Variants in NCOR1 observed in about 807,000 individuals in gnomAD.
The protein encoded by NCOR1 is nuclear receptor corepressor 1.
NCOR1 carries 63 observed loss-of-function variants against 288.1 expected under a neutral mutation model. The observed-to-expected ratio is 0.22, with a 90% CI of 0.18 to 0.27. The LOEUF (loss-of-function observed/expected upper bound fraction) is 0.27. Among genes scored for constraint, NCOR1 ranks in the 10% least tolerant of loss-of-function variants. The pLI is 1.00. For synonymous variants in NCOR1, 1,007 were observed against 1,065.9 expected (o/e 0.94, Z 1.08); for missense variants, 2,397 against 3,019.2 (o/e 0.79, Z 4.83).
At chr17:16,148,698 A>G (rs1478546324) in intron 9 of NCOR1, among the ~76,000 whole-genome samples, 1 of 148,350 alleles carries the variant, frequency 6.7e-6, no homozygotes, top group Non-Finnish European at 1.5e-5. Flanking sequence ...AAACAACTCA[A>G]GACCAGTAAT....
Position 16,215,346 on chromosome 17 carries a change from G to A in NCOR1, c.-71+16C>T, listed in dbSNP as rs1029278213. 7.6e-6 allele frequency: 3 copies of A among 392,804 alleles called. No homozygotes were observed. The highest frequency in any genetic ancestry group is 1.3e-5 in the Non-Finnish European group (3 of 222,702). The allele number at this position is 392,804 out of a possible 1,614,324, so 24.3% of individuals were successfully genotyped here. A position where few individuals can be genotyped will look rare whatever the true frequency, so the allele number is the denominator to read the frequency against. ...GAGCCCGGAGGCCGGGGTTGCAGGC[G>A]CCAGGGCCTACTCACCGGGAGCTGG... On this transcript the variant is annotated intron_variant, in intron 1 of 45. Coordinates refer to ENST00000268712, the MANE Select transcript of NCOR1 (RefSeq NM_006311.4).
At chr17:16,189,479 T>A (rs576825032) in intron 2 of NCOR1, among the ~76,000 whole-genome samples, 15 of 151,112 alleles carry the variant, frequency 9.9e-5, no homozygotes, top group Admixed American at 9.9e-4. Context: ...CACACAGAAG[T>A]GAAAAGTAAA....
intron 25 of NCOR1, 24 bp downstream of exon 25, chr17:16,080,384 T>C: frequency 1.3e-6 from 2 of 1,571,108 alleles, no homozygotes; most frequent in Non-Finnish European, 1.7e-6. Context: ...AAGTTTAACA[T>C]TTCTGCCAAC....
chr17:16,034,058 G>A (rs912010210), intron 45 of NCOR1, among the ~76,000 whole-genome samples: 1 of 152,130 alleles, frequency 6.6e-6, no homozygotes, highest in African/African-American at 2.4e-5. Context: ...ATTTCCCTAA[G>A]AACTTTTTCT....
intron 3 of NCOR1, among the ~76,000 whole-genome samples, chr17:16,176,725 A>G (rs961917755): frequency 5.9e-5 from 9 of 151,970 alleles, no homozygotes; most frequent in African/African-American, 2.2e-4. Flanking sequence ...TCTGTCACTC[A>G]ATTCTGCTAT....
intron 41 of NCOR1, among the ~76,000 whole-genome samples, chr17:16,047,708 G>T (rs1239869799): frequency 2.0e-5 from 3 of 151,876 alleles, no homozygotes; most frequent in Admixed American, 2.0e-4. Flanking sequence ...AAAAAACAAG[G>T]TTTCCCTAAA....
chr17:16,129,186 T>A (rs2075225761), intron 14 of NCOR1, among the ~76,000 whole-genome samples: 1 of 152,198 alleles, frequency 6.6e-6, no homozygotes, highest in Admixed American at 6.5e-5. Context: ...ACTCCCCACA[T>A]GCAAAATCAC....
intron 2 of NCOR1, among the ~76,000 whole-genome samples, chr17:16,187,274 C>A (rs1163023072): frequency 8.1e-5 from 12 of 148,726 alleles, no homozygotes; most frequent in African/African-American, 2.7e-4. Flanking sequence ...CAGAAAAACA[C>A]AGAATTACTA....
intron 33 of NCOR1, 135 bp from the exon 34 acceptor site, chr17:16,065,154 C>G: frequency 1.2e-6 from 1 of 851,582 alleles, no homozygotes; most frequent in Non-Finnish European, 1.8e-6. Context: ...TTACTATCAT[C>G]ATTACTTTTT....
chr17:16,065,501 T>A lies in NCOR1; in HGVS notation c.4935A>T (p.Pro1645=), dbSNP rs1250917376. The A allele has an allele frequency of 6.2e-7, 1 of 1,614,118 alleles. No homozygotes were observed. The highest frequency in any genetic ancestry group is 1.3e-5 in the African/African-American group (1 of 74,936). The change falls in exon 33 of 46, where the codon CCA becomes CCT. Residue 1645 remains proline (P), a synonymous_variant. Transcript: ENST00000268712. ...LSPREQPLGL[P]YPATRGIIDL... Reference sequence around the variant, plus strand: ...GACACACACCTCTCGTTGCTGGGTATGGGAGACCCAGTGGCTGCTCTCTTG... The same window carrying A: ...GACACACACCTCTCGTTGCTGGGTAAGGGAGACCCAGTGGCTGCTCTCTTG...
intron 1 of NCOR1, among the ~76,000 whole-genome samples, chr17:16,211,144 C>A (rs532142452): frequency 3.3e-5 from 5 of 152,276 alleles, no homozygotes; most frequent in African/African-American, 1.2e-4. Flanking sequence ...CCAACTTTAG[C>A]AACTTAGGCA....
chr17:16,176,955 G>C (rs1440036138), intron 3 of NCOR1, among the ~76,000 whole-genome samples: 2 of 151,948 alleles, frequency 1.3e-5, no homozygotes, highest in Non-Finnish European at 2.9e-5. Flanking sequence ...TCTGTATTAT[G>C]AATATTATTA....
Position 16,155,393 on chromosome 17 carries a change from C to CACACACA in NCOR1, c.733-1999_733-1998insTGTGTGT, listed in dbSNP as rs200326632. On this transcript the variant is annotated intron_variant, in intron 6 of 45. Coordinates refer to ENST00000268712, the MANE Select transcript of NCOR1 (RefSeq NM_006311.4). ...AATACACACACACACACACACACAC[C>CACACACA]CACAAAGATATTCTGCAAATTTCTC... Among the ~76,000 whole-genome samples the CACACACA allele has an allele frequency of 5.8e-3, 859 of 148,888 alleles. 7 individuals are homozygous for CACACACA. Among genetic ancestry groups the CACACACA allele is most frequent in the African/African-American group, 0.017 (695 of 39,986 alleles).
Position 16,080,993 on chromosome 17 carries a change from CATAA to C in NCOR1, c.3178-270_3178-267del, listed in dbSNP as rs781004025. Among the ~76,000 whole-genome samples the C allele has an allele frequency of 1.3e-3, 195 of 151,878 alleles. 2 individuals are homozygous for C. Among genetic ancestry groups the C allele is most frequent in the South Asian group, 4.2e-4 (2 of 4,814 alleles). ...AATAGTATTTACTATTAATAAATTA[CATAA>C]ATAAAGCACTTATATGTTGCAATCA... is the stretch of plus-strand genomic sequence containing the variant. On this transcript the variant is annotated intron_variant, in intron 23 of 45. Transcript: ENST00000268712.
chr17:16,209,819 G>A (rs1020383255), intron 1 of NCOR1, among the ~76,000 whole-genome samples: 2 of 152,136 alleles, frequency 1.3e-5, no homozygotes, highest in Middle Eastern at 3.4e-3. Context: ...GGGCATGGTG[G>A]CATATGCCTG....
chr17:16,184,102 T>C (rs1388989638), intron 3 of NCOR1, among the ~76,000 whole-genome samples: 1 of 152,064 alleles, frequency 6.6e-6, no homozygotes, highest in African/African-American at 2.4e-5. Context: ...AATACTTAAA[T>C]ATAAGATCAG....
chr17:16,215,389 C>G lies in NCOR1; in HGVS notation c.-98G>C. ...GGAGCTGGCTAAGCGTGGGAGCCGA[C>G]GTGCGCCCCGGCCTGAGGAGTGGGA... On this transcript the variant is annotated 5_prime_UTR_variant, in exon 1 of 46. Transcript: ENST00000268712. The G allele has an allele frequency of 2.5e-6, 1 of 395,382 alleles. No individual in the cohort carries two copies. 24.5% of individuals were successfully genotyped at this position (395,382 alleles called of 1,614,324 possible).
intron 28 of NCOR1, 58 bp from the exon 29 acceptor site, chr17:16,072,286 A>G (rs2061847049): frequency 2.4e-6 from 3 of 1,272,824 alleles, no homozygotes; most frequent in Non-Finnish European, 3.4e-6. Flanking sequence ...CAACTCACAT[A>G]TACTGAATGC....
intron 18 of NCOR1, among the ~76,000 whole-genome samples, chr17:16,113,079 AT>A (rs749337517): frequency 6.7e-6 from 1 of 149,096 alleles, no homozygotes; most frequent in African/African-American, 2.5e-5. Context: ...GCCGGCTAAC[AT>A]TTTTTTCTGT....
Sources: allele counts gnomAD v4.1 joint callset (sites outside exome capture counted in the v4.1 genomes callset), GRCh38; gene constraint gnomAD v4.1.1; transcripts MANE v1.5; gene names NCBI Gene and HGNC (gene_info 2026-07-23, HGNC 2026-07-21).